Variants in HUNK observed in about 807,000 individuals in gnomAD.
HUNK encodes the protein hormonally up-regulated Neu-associated kinase.
In HUNK, 21 loss-of-function variants were observed where a neutral mutation model predicts 61.0. That is an observed-to-expected ratio of 0.34 (90% CI 0.24 to 0.50). The LOEUF (loss-of-function observed/expected upper bound fraction) is 0.50, where lower values mean the gene tolerates loss of function less well. HUNK is among the 20% of genes least tolerant of loss of function. The pLI is 0.98. For missense variants in HUNK, 772 were observed against 945.7 expected (o/e 0.82, Z 2.41); for synonymous variants, 371 against 386.1 (o/e 0.96, Z 0.46).
chr21:31,925,040 G>T (rs1427844687), intron 2 of HUNK, among the ~76,000 whole-genome samples: 1 of 152,168 alleles, frequency 6.6e-6, no homozygotes, highest in Non-Finnish European at 1.5e-5. Context: ...GGGATTACAG[G>T]CACCTGCCAC....
At chr21:31,965,552 T>C (rs897478015) in intron 5 of HUNK, among the ~76,000 whole-genome samples, 2 of 151,596 alleles carry the variant, frequency 1.3e-5, no homozygotes, top group Non-Finnish European at 2.9e-5. Flanking sequence ...CCTCATGGCC[T>C]CTACACATGC....
intron 2 of HUNK, among the ~76,000 whole-genome samples, chr21:31,937,737 G>A (rs1013130927): frequency 6.6e-6 from 1 of 152,164 alleles, no homozygotes; most frequent in Non-Finnish European, 1.5e-5. Context: ...AAGATAAGTA[G>A]TATCAACAGT....
intron 1 of HUNK, among the ~76,000 whole-genome samples, chr21:31,880,584 A>G (rs1378743453): frequency 1.3e-5 from 2 of 151,886 alleles, no homozygotes; most frequent in African/African-American, 4.8e-5. Context: ...ATCTTTTCCT[A>G]TGTCTCTTTA....
Position 31,998,617 on chromosome 21 carries a change from C to T in HUNK, c.1578C>T (p.Pro526=). 1 of 1,614,130 alleles carries T rather than the reference C, an allele frequency of 6.2e-7. No homozygotes were observed. Among genetic ancestry groups the T allele is most frequent in the Non-Finnish European group, 8.5e-7 (1 of 1,180,006 alleles). ...SSMEFIPVPP[P]RTPRIVKKPE... is the part of the protein sequence containing the mutation. ...TGGAGTTCATCCCCGTGCCACCGCCCAGGACCCCGAGGATTGTGAAGAAAC... is the reference window on the plus strand; with the variant it reads ...TGGAGTTCATCCCCGTGCCACCGCCTAGGACCCCGAGGATTGTGAAGAAAC... The change falls in exon 11 of 11, where the codon CCC becomes CCT. Residue 526 remains proline (P), a synonymous_variant. Coordinates refer to ENST00000270112, the MANE Select transcript of HUNK (RefSeq NM_014586.2).
intron 6 of HUNK, among the ~76,000 whole-genome samples, chr21:31,970,088 G>T (rs115203748): frequency 6.6e-6 from 1 of 152,126 alleles, no homozygotes; most frequent in Non-Finnish European, 1.5e-5. Flanking sequence ...ACCCAGAGGG[G>T]CAGATAGGAG....
At chr21:31,944,735 G>A (rs2123830333) in intron 3 of HUNK, among the ~76,000 whole-genome samples, 1 of 152,302 alleles carries the variant, frequency 6.6e-6, no homozygotes, top group East Asian at 1.9e-4. Context: ...TGCCTGGTTG[G>A]TTTGCTTGCC....
At chr21:31,933,799 AAG>A (rs2052714458) in intron 2 of HUNK, among the ~76,000 whole-genome samples, 1 of 151,748 alleles carries the variant, frequency 6.6e-6, no homozygotes, top group African/African-American at 2.4e-5. Flanking sequence ...AAAAAAAAAA[AAG>A]GTTAACACTG....
chr21:31,966,466 A>G (rs113771173), intron 5 of HUNK, among the ~76,000 whole-genome samples: 1 of 152,288 alleles, frequency 6.6e-6, no homozygotes, highest in African/African-American at 2.4e-5. Flanking sequence ...CCCACTATTG[A>G]AAGGGAGATG....
rs186468598 is a variant in HUNK, at chr21:31,992,295, C to T, written c.1305+2119C>T. Among the ~76,000 whole-genome samples, 328 of 152,358 alleles carry T rather than the reference C, an allele frequency of 2.2e-3. 1 individual carries two copies. Among genetic ancestry groups the T allele is most frequent in the African/African-American group, 7.6e-3 (315 of 41,588 alleles). On this transcript the variant is annotated intron_variant, in intron 9 of 10. Coordinates refer to ENST00000270112, the MANE Select transcript of HUNK (RefSeq NM_014586.2). The stretch of plus-strand genomic sequence containing the variant: ...GAGGCTAAGGATGGGTTTCCCCCTC[C>T]TGTAGGCATCTCCGTCTCCTCCACA...
chr21:31,878,311 A>G (rs1331492293), intron 1 of HUNK, among the ~76,000 whole-genome samples: 2 of 152,124 alleles, frequency 1.3e-5, no homozygotes, highest in East Asian at 3.8e-4. Flanking sequence ...ATAAACGTTA[A>G]ACTTTAAATG....
chr21:31,995,216 G>C (rs2053196263), intron 9 of HUNK, among the ~76,000 whole-genome samples: 1 of 145,952 alleles, frequency 6.9e-6, no homozygotes, highest in Non-Finnish European at 1.5e-5. Flanking sequence ...CGAGTACTAA[G>C]TACGCAAGTA....
chr21:31,979,515 C>CTTTTTTTTTTTTTTTTTTTT (rs71193166), intron 7 of HUNK, among the ~76,000 whole-genome samples: 1 of 34,298 alleles, frequency 2.9e-5, no homozygotes, highest in Admixed American at 3.6e-4. Flanking sequence ...TGTTTGCATT[C>CTTTTTTTTTTTTTTTTTTTT]TTTTTTTTTT....
chr21:31,900,169 C>G (rs1038368312), intron 1 of HUNK, among the ~76,000 whole-genome samples: 2 of 152,104 alleles, frequency 1.3e-5, no homozygotes, highest in Non-Finnish European at 2.9e-5. Context: ...TTCCTCGCAG[C>G]ATAATCCATC....
At chr21:31,983,346 C>G (rs998122822) in intron 7 of HUNK, among the ~76,000 whole-genome samples, 180 bp from the exon 8 acceptor site, 12 of 152,190 alleles carry the variant, frequency 7.9e-5, no homozygotes, top group Admixed American at 1.3e-4. Context: ...CCAGGGCTCT[C>G]CCCACACTGC....
chr21:31,934,469 G>A (rs1399247616), intron 2 of HUNK, among the ~76,000 whole-genome samples: 10 of 144,644 alleles, frequency 6.9e-5, no homozygotes, highest in South Asian at 4.5e-4. Flanking sequence ...AAAAATACAC[G>A]AACACTGAAA....
At chr21:31,961,215 T>A (rs1464622807) in intron 5 of HUNK, among the ~76,000 whole-genome samples, 1 of 150,722 alleles carries the variant, frequency 6.6e-6, no homozygotes, top group Admixed American at 6.6e-5. Flanking sequence ...ATAATTCCCT[T>A]GAGATAATCT....
chr21:31,902,379 G>A lies in HUNK; in HGVS notation c.262-22089G>A, dbSNP rs529176545. On this transcript the variant is annotated intron_variant, in intron 1 of 10. Transcript: ENST00000270112. ...TACAAAATTAGCCAGGCGTGGTGGC[G>A]CATGCCTGGAATCCCAGCTACTCAG... Among the ~76,000 whole-genome samples the A allele has an allele frequency of 1.4e-3, 220 of 152,222 alleles. 2 individuals are homozygous for A. The highest frequency in any genetic ancestry group is 6.8e-3 in the Middle Eastern group (2 of 294).
rs2052226760 is a variant in HUNK at position 31,873,143 on chromosome 21, G to A, written c.-532G>A. ...GCTTTCTTCTGCTGCCTTCCAGAGG[G>A]CGCCGGCAGCCCGCCGCGCGCTTCT... On this transcript the variant is annotated 5_prime_UTR_variant, in exon 1 of 11. Coordinates refer to ENST00000270112, the MANE Select transcript of HUNK (RefSeq NM_014586.2). This position sits in a 1 kb window ranked among gnomAD's most constrained non-coding sequence, Gnocchi z 6.1. Among the ~76,000 whole-genome samples, 1 of 152,114 alleles carries A rather than the reference G, an allele frequency of 6.6e-6. No individual in the cohort carries two copies. The highest frequency in any genetic ancestry group is 2.4e-5 in the African/African-American group (1 of 41,456).
intron 4 of HUNK, among the ~76,000 whole-genome samples, chr21:31,951,061 T>C (rs1056115250): frequency 1.3e-5 from 2 of 151,772 alleles, no homozygotes; most frequent in African/African-American, 4.8e-5. Context: ...AAATGGGAAA[T>C]GGCGCGCTTT....
Sources: gnomAD v4.1 joint callset for allele counts (sites outside exome capture counted in the v4.1 genomes callset) on GRCh38, gnomAD v4.1.1 for gene constraint, Gnocchi (gnomAD v3.1) non-coding constraint, MANE v1.5 for transcripts, NCBI Gene and HGNC (gene_info 2026-07-23, HGNC 2026-07-21) for gene names.